RANBP17: variants seen among roughly 807,000 people sequenced by gnomAD.
The protein encoded by RANBP17 is RAN binding protein 17.
RANBP17 carries 158 observed loss-of-function variants against 141.2 expected under a neutral mutation model. The ratio of observed to expected loss-of-function variants is 1.12; its 90% CI spans 0.98 to 1.28. RANBP17 has a LOEUF of 1.28. Ranked by LOEUF, RANBP17 falls within the 50% of genes most tolerant of loss-of-function variation. RANBP17 has a pLI of 0.00. For missense variants in RANBP17, 1,438 were observed against 1,290.7 expected (o/e 1.11, Z -1.75); for synonymous variants, 430 against 450.0 (o/e 0.96, Z 0.56).
chr5:170,978,743 C>T (rs1358797829), intron 14 of RANBP17, among the ~76,000 whole-genome samples: 1 of 152,068 alleles, frequency 6.6e-6, no homozygotes, highest in African/African-American at 2.4e-5. Flanking sequence ...CTAAGGGAGC[C>T]TTCTGGGGAC....
chr5:171,025,455 GGAATGGCTGTTTT>G (rs1268833880), intron 14 of RANBP17, among the ~76,000 whole-genome samples: 4 of 152,022 alleles, frequency 2.6e-5, no homozygotes, highest in South Asian at 2.1e-4. Context: ...TTTCTTGCAT[GGAATGGCTGTTTT>G]CTTTCTTCTT....
At position 171,171,387 on chromosome 5, in the gene RANBP17, A is replaced by T. The variant is rs183359197; in HGVS notation, c.1865+101A>T. Reference sequence around the variant, plus strand: ...TTGTTTATAATTTTTGCAATTTTTTAAAAAAATAAAAAGACCTTTCATTTA... The same window carrying T: ...TTGTTTATAATTTTTGCAATTTTTTTAAAAAATAAAAAGACCTTTCATTTA... On this transcript the variant is annotated intron_variant, in intron 16 of 27. Coordinates refer to ENST00000523189, the MANE Select transcript of RANBP17 (RefSeq NM_022897.5). 4.7e-3 allele frequency: 2,925 copies of T among 616,122 alleles called. 21 individuals are homozygous for T. Among genetic ancestry groups the T allele is most frequent in the Non-Finnish European group, 5.1e-3 (1,854 of 362,052 alleles). The allele number at this position is 616,122 out of a possible 1,614,324, so 38.2% of individuals were successfully genotyped here.
chr5:171,146,431 T>C (rs549588881), intron 14 of RANBP17, among the ~76,000 whole-genome samples: 2 of 152,318 alleles, frequency 1.3e-5, no homozygotes, highest in South Asian at 4.1e-4. Context: ...CTTTTCTTCA[T>C]TTCACAGAGG....
intron 14 of RANBP17, among the ~76,000 whole-genome samples, chr5:171,139,697 G>A (rs1298216145): frequency 6.6e-6 from 1 of 151,916 alleles, no homozygotes; most frequent in South Asian, 2.1e-4. Flanking sequence ...CTTTTACTTG[G>A]GATATTACAT....
At chr5:171,191,091 G>A (rs955140163) in intron 18 of RANBP17, among the ~76,000 whole-genome samples, 3 of 152,196 alleles carry the variant, frequency 2.0e-5, no homozygotes, top group African/African-American at 7.2e-5. Flanking sequence ...CTTTAGGGGT[G>A]AGGGTAGCAC....
chr5:171,229,480 T>C (rs934535144), intron 22 of RANBP17, among the ~76,000 whole-genome samples: 3 of 152,028 alleles, frequency 2.0e-5, no homozygotes, highest in Admixed American at 6.6e-5. Flanking sequence ...TTGCAACCTC[T>C]GCCTCCTGGG....
intron 27 of RANBP17, among the ~76,000 whole-genome samples, chr5:171,296,783 C>T (rs544136713): frequency 4.1e-4 from 62 of 152,188 alleles, no homozygotes; most frequent in African/African-American, 1.2e-3. Context: ...CATGGTGGCA[C>T]GTGCCTGTAG....
At chr5:170,937,073 A>G (rs1773942801) in intron 12 of RANBP17, among the ~76,000 whole-genome samples, 1 of 152,166 alleles carries the variant, frequency 6.6e-6, no homozygotes, top group Non-Finnish European at 1.5e-5. Context: ...GTTCCCTTTT[A>G]AAAAATCCAT....
At chr5:171,039,560 G>A (rs1463662268) in intron 14 of RANBP17, among the ~76,000 whole-genome samples, 3 of 151,758 alleles carry the variant, frequency 2.0e-5, no homozygotes, top group Admixed American at 6.6e-5. Flanking sequence ...GGTTACTTTT[G>A]CTGTGTAGAA....
In RANBP17 at chr5:171,053,919, AT is replaced by A. The variant is rs1783161142; in HGVS notation, c.1710+85543del. On this transcript the variant is annotated intron_variant, in intron 14 of 27. Transcript: ENST00000523189. ...TATATATATATATATATATATATAT[AT>A]ATATAATTGCTGTATTTGATGCATA... Among the ~76,000 whole-genome samples, 4 of 43,436 alleles carry A rather than the reference AT, an allele frequency of 9.2e-5. 1 individual carries two copies. The highest frequency in any genetic ancestry group is 2.3e-4 in the African/African-American group (4 of 17,192). 28.5% of individuals were successfully genotyped at this position (43,436 alleles called of 152,430 possible). A position where few individuals can be genotyped will look rare whatever the true frequency, so the allele number is the denominator to read the frequency against.
chr5:170,930,905 T>A (rs1303682668), intron 12 of RANBP17, among the ~76,000 whole-genome samples: 1 of 152,248 alleles, frequency 6.6e-6, no homozygotes, highest in Non-Finnish European at 1.5e-5. Context: ...GTGTGATTTA[T>A]AATCATTTGG....
At chr5:171,019,044 T>C (rs528656050) in intron 14 of RANBP17, among the ~76,000 whole-genome samples, 3 of 152,230 alleles carry the variant, frequency 2.0e-5, no homozygotes, top group Non-Finnish European at 4.4e-5. Context: ...TTTCTGTTTA[T>C]GTGGTAGATT....
intron 18 of RANBP17, among the ~76,000 whole-genome samples, chr5:171,197,116 T>G (rs1309339157): frequency 6.6e-6 from 1 of 152,238 alleles, no homozygotes; most frequent in Non-Finnish European, 1.5e-5. Context: ...AGCATATATT[T>G]TATGTATTTA....
chr5:171,159,296 C>T (rs1206509240), intron 14 of RANBP17, among the ~76,000 whole-genome samples: 2 of 152,132 alleles, frequency 1.3e-5, no homozygotes, highest in Non-Finnish European at 2.9e-5. Flanking sequence ...ATGCCAATAT[C>T]ATAAGTTTCA....
At chr5:171,098,772 T>C (rs569967896) in intron 14 of RANBP17, among the ~76,000 whole-genome samples, 28 of 152,266 alleles carry the variant, frequency 1.8e-4, no homozygotes, top group South Asian at 8.3e-4. Flanking sequence ...TGCTTTTAGG[T>C]CTTATGTTTA....
In RANBP17 at chr5:171,213,673, G is replaced by T; in HGVS notation, c.2274G>T (p.Arg758=). ...YLPLLQNAVE[R]WYGEPTCTTP... Reference sequence around the variant, plus strand: ...CCCTTCTTCAGAATGCTGTTGAACGGTGGTATGGAGAGCCAACATGTACAA... The same window carrying T: ...CCCTTCTTCAGAATGCTGTTGAACGTTGGTATGGAGAGCCAACATGTACAA... Residue 758 remains arginine, a synonymous_variant, in exon 21 of 28, where the codon CGG becomes CGT. Coordinates refer to ENST00000523189, the MANE Select transcript of RANBP17 (RefSeq NM_022897.5). The T allele has an allele frequency of 6.2e-7, 1 of 1,613,856 alleles. No homozygotes were observed. The highest frequency in any genetic ancestry group is 1.1e-5 in the South Asian group (1 of 91,064).
chr5:170,873,049 C>T (rs1282128018), intron 1 of RANBP17, among the ~76,000 whole-genome samples: 1 of 152,136 alleles, frequency 6.6e-6, no homozygotes, highest in African/African-American at 2.4e-5. Flanking sequence ...GTAGCTGAGA[C>T]TACAGGCACG....
chr5:170,871,030 T>C (rs1216137322), intron 1 of RANBP17, among the ~76,000 whole-genome samples: 1 of 152,158 alleles, frequency 6.6e-6, no homozygotes, highest in African/African-American at 2.4e-5. Context: ...TTTTGAGAAG[T>C]GTCTGTTCAT....
intron 14 of RANBP17, among the ~76,000 whole-genome samples, chr5:171,018,084 T>C (rs1308204275): frequency 3.9e-5 from 6 of 152,170 alleles, no homozygotes; most frequent in Non-Finnish European, 7.4e-5. Context: ...GTGGTATTTC[T>C]GAGGTCTCTT....
Sources: allele counts gnomAD v4.1 joint callset (sites outside exome capture counted in the v4.1 genomes callset), GRCh38; gene constraint gnomAD v4.1.1; transcripts MANE v1.5; gene names NCBI Gene and HGNC (gene_info 2026-07-23, HGNC 2026-07-21).